METTL15: variants seen among roughly 807,000 people sequenced by gnomAD.
METTL15 encodes 12S rRNA N(4)-cytidine methyltransferase METTL15.
Under a neutral mutation model 38.3 loss-of-function variants are expected in METTL15, and 34 were observed. The ratio of observed to expected loss-of-function variants is 0.89; its 90% CI spans 0.68 to 1.18. METTL15 has a LOEUF of 1.18. METTL15 is among the 50% of genes most tolerant of loss of function. The pLI, the probability that METTL15 is intolerant of heterozygous loss-of-function variation, is 0.00. For missense variants in METTL15, 438 were observed against 498.4 expected, an observed-to-expected ratio of 0.88 and a Z score of 1.15; for synonymous variants, 162 against 170.9, an observed-to-expected ratio of 0.95 and a Z score of 0.41.
At chr11:28,399,118 A>T (rs1850604521) in intron 5 of METTL15, 1 of 152,148 alleles carries the variant, frequency 6.6e-6, no homozygotes, top group African/African-American at 2.4e-5. Context: ...CCAATGAAAC[A>T]GAACAGAGGC....
intron 5 of METTL15, among the ~76,000 whole-genome samples, chr11:28,389,841 C>A (rs1393294997): frequency 6.6e-6 from 1 of 151,664 alleles, no homozygotes; most frequent in Non-Finnish European, 1.5e-5. Flanking sequence ...AGTTTACAGT[C>A]CCACCAACAG....
intron 6 of METTL15, among the ~76,000 whole-genome samples, chr11:28,456,184 AAT>A (rs1851167216): frequency 2.0e-5 from 3 of 148,494 alleles, no homozygotes; most frequent in Non-Finnish European, 4.5e-5. Context: ...TTTTAAAAAA[AAT>A]TTTTGTAGAG....
At chr11:28,384,926 C>T (rs1850425311) in intron 5 of METTL15, among the ~76,000 whole-genome samples, 1 of 152,106 alleles carries the variant, frequency 6.6e-6, no homozygotes, top group Admixed American at 6.6e-5. Context: ...TGCTTTCTGG[C>T]CACATATATG....
At chr11:28,220,682 T>C (rs1013810100) in intron 4 of METTL15, among the ~76,000 whole-genome samples, 3 of 152,184 alleles carry the variant, frequency 2.0e-5, no homozygotes, top group Non-Finnish European at 2.9e-5. Context: ...TTTGGCATGT[T>C]TTTGCAGTGG....
At chr11:28,380,628 T>A (rs1173432142) in intron 5 of METTL15, among the ~76,000 whole-genome samples, 2 of 152,216 alleles carry the variant, frequency 1.3e-5, no homozygotes, top group African/African-American at 4.8e-5. Flanking sequence ...TTGCTTTTTA[T>A]GTTTAGTAAA....
At chr11:28,236,083 G>C (rs889432075) in intron 4 of METTL15, among the ~76,000 whole-genome samples, 6 of 152,186 alleles carry the variant, frequency 3.9e-5, no homozygotes, top group Admixed American at 1.3e-4. Flanking sequence ...TTTTGTCTTT[G>C]GTTCTGTGTA....
chr11:28,403,952 G>T (rs1392098725), intron 5 of METTL15, among the ~76,000 whole-genome samples: 1 of 151,894 alleles, frequency 6.6e-6, no homozygotes, highest in African/African-American at 2.4e-5. Context: ...GATTTCTGCT[G>T]TTATACATTC....
At chr11:28,287,190 G>A (rs1243534779) in intron 4 of METTL15, 2 of 221,884 alleles carry the variant, frequency 9.0e-6, no homozygotes, top group African/African-American at 4.9e-5. Flanking sequence ...GTGTGTGTGT[G>A]TGTGTGTTCA....
intron 4 of METTL15, among the ~76,000 whole-genome samples, chr11:28,216,223 G>C (rs891749623): frequency 6.6e-6 from 1 of 151,944 alleles, no homozygotes; most frequent in Non-Finnish European, 1.5e-5. Context: ...TGCCTTACTA[G>C]ATATAAGATT....
At chr11:28,368,572 A>T (rs1850211949) in intron 5 of METTL15, among the ~76,000 whole-genome samples, 1 of 152,178 alleles carries the variant, frequency 6.6e-6, no homozygotes, top group Non-Finnish European at 1.5e-5. Context: ...AATTAGTTGA[A>T]CCATTGTGGA....
intron 3 of METTL15, among the ~76,000 whole-genome samples, chr11:28,158,746 A>G (rs1029245639): frequency 4.5e-4 from 68 of 152,198 alleles, no homozygotes; most frequent in Non-Finnish European, 1.0e-4. Context: ...GAAGTGCAGC[A>G]GTGGGCTCAT....
At chr11:28,372,352 A>G (rs560598138) in intron 5 of METTL15, among the ~76,000 whole-genome samples, 1 of 151,820 alleles carries the variant, frequency 6.6e-6, no homozygotes, top group South Asian at 2.1e-4. Context: ...ATGATCTTTT[A>G]AAACTATTGT....
intron 5 of METTL15, among the ~76,000 whole-genome samples, chr11:28,293,111 T>C (rs890952080): frequency 3.2e-4 from 49 of 152,234 alleles, no homozygotes; most frequent in African/African-American, 9.9e-4. Flanking sequence ...TTTGGTGTTT[T>C]AGACATGAAG....
At position 28,312,826 on chromosome 11, in the gene METTL15, C is replaced by A. The variant is rs562607258; in HGVS notation, c.778+15895C>A. Among the ~76,000 whole-genome samples, 5 of 152,258 alleles carry A rather than the reference C, an allele frequency of 3.3e-5. No individual in the cohort carries two copies. In the East Asian group the frequency reaches 9.6e-4, roughly 29 times the overall value. The stretch of plus-strand genomic sequence containing the variant: ...AGGAGTTCACTTCCTCAAAAACTAA[C>A]CCACTCCTGAGATGGTAGCATTCAT... On this transcript the variant is annotated intron_variant, in intron 6 of 6. Coordinates refer to ENST00000407364, the MANE Select transcript of METTL15 (RefSeq NM_001113528.2).
At chr11:28,426,584 G>GTTTTTTTTTTT (rs66959082) in intron 6 of METTL15, among the ~76,000 whole-genome samples, 41 of 82,322 alleles carry the variant, frequency 5.0e-4, no homozygotes, top group African/African-American at 1.2e-3. Context: ...GCCAGCATCT[G>GTTTTTTTTTTT]TTTTTTTTTT....
At chr11:28,489,931 G>T (rs1486015329) in intron 6 of METTL15, among the ~76,000 whole-genome samples, 1 of 152,034 alleles carries the variant, frequency 6.6e-6, no homozygotes, top group East Asian at 1.9e-4. Flanking sequence ...CTCTTTACTG[G>T]TCACCCTGTG....
intron 4 of METTL15, among the ~76,000 whole-genome samples, chr11:28,273,072 C>A (rs1236590110): frequency 6.6e-6 from 1 of 152,124 alleles, no homozygotes; most frequent in East Asian, 1.9e-4. Flanking sequence ...ATATGATCAT[C>A]TCTGTTAAAA....
At chr11:28,401,144 C>G (rs940385973) in intron 5 of METTL15, among the ~76,000 whole-genome samples, 3 of 152,112 alleles carry the variant, frequency 2.0e-5, no homozygotes, top group East Asian at 1.9e-4. Context: ...CAAAAATCTA[C>G]TGATTTCAGT....
intron 6 of METTL15, among the ~76,000 whole-genome samples, chr11:28,437,514 T>C (rs1850993975): frequency 6.6e-6 from 1 of 152,226 alleles, no homozygotes; most frequent in African/African-American, 2.4e-5. Flanking sequence ...ACACACCCTA[T>C]ACAGCACTCG....
Sources: allele counts gnomAD v4.1 joint callset (sites outside exome capture counted in the v4.1 genomes callset), GRCh38; gene constraint gnomAD v4.1.1; transcripts MANE v1.5; gene names NCBI Gene and HGNC (gene_info 2026-07-23, HGNC 2026-07-21).